Variants in ANHX observed in about 807,000 individuals in gnomAD.
ANHX encodes anomalous homeobox protein.
A neutral mutation model predicts 38.9 loss-of-function variants in ANHX; 20 were observed. The ratio of observed to expected loss-of-function variants is 0.51; its 90% CI spans 0.36 to 0.75. The LOEUF (loss-of-function observed/expected upper bound fraction) is 0.75. Ranked by LOEUF, ANHX falls within the 30% of genes least tolerant of loss-of-function variation. The pLI, the probability that ANHX is intolerant of heterozygous loss-of-function variation, is 0.00. For missense variants in ANHX, 475 were observed against 493.1 expected, an observed-to-expected ratio of 0.96 and a Z score of 0.35; for synonymous variants, 185 against 203.1, an observed-to-expected ratio of 0.91 and a Z score of 0.76.
At chr12:133,226,027 GGCAGGGCT>G (rs1957184206) in intron 6 of ANHX, among the ~76,000 whole-genome samples, 199 bp from the exon 7 acceptor site, 1 of 152,222 alleles carries the variant, frequency 6.6e-6, no homozygotes, top group South Asian at 2.1e-4. Context: ...GTCTTTAGGT[GGCAGGGCT>G]GCATGTGTTT....
At chr12:133,234,539 C>T (rs887654689) in intron 1 of ANHX, 161 bp from the exon 2 acceptor site, 2 of 740,796 alleles carry the variant, frequency 2.7e-6, no homozygotes, top group African/African-American at 3.5e-5. Context: ...GAGGGCAGCA[C>T]CATAGCATAC....
chr12:133,227,156 C>T lies in ANHX; in HGVS notation c.502-4G>A. 2 of 1,531,972 alleles carry T rather than the reference C, an allele frequency of 1.3e-6. No homozygotes were observed. The highest frequency in any genetic ancestry group is 1.7e-6 in the Non-Finnish European group (2 of 1,144,306). The allele number at this position is 1,531,972 out of a possible 1,614,324, so 94.9% of individuals were successfully genotyped here. ...TCGTCTCCAATGCCAAGTTCTCCTG[C>T]CCCCAAACAACAAGACTTCTAGCCC... On this transcript the variant is annotated splice_polypyrimidine_tract_variant and splice_region_variant and intron_variant, in intron 4 of 9. Coordinates refer to ENST00000545940, the MANE Select transcript of ANHX (RefSeq NM_001372060.1).
At chr12:133,224,924 G>T (rs554840009) in intron 7 of ANHX, among the ~76,000 whole-genome samples, 1 of 143,980 alleles carries the variant, frequency 6.9e-6, no homozygotes, top group East Asian at 2.0e-4. Flanking sequence ...CCGAGATCAC[G>T]CCACTGCACT....
At chr12:133,224,089 C>G (rs575164719) in intron 7 of ANHX, among the ~76,000 whole-genome samples, 28 of 152,168 alleles carry the variant, frequency 1.8e-4, no homozygotes, top group African/African-American at 6.7e-4. Context: ...AGAACCAGAC[C>G]TGAAATTCAG....
chr12:133,227,829 C>T lies in ANHX; in HGVS notation c.496G>A (p.Glu166Lys). ...VGVNTNPSKA[E>K]RENLALETSL... The stretch of plus-strand genomic sequence containing the variant: ...TGGGTATCTTCTATTCTTACCCTCT[C>T]AGCCTTGCTGGGGTTGGTGTTCACC... The change falls in exon 4 of 10, where the codon GAG becomes AAG. Residue 166 changes from glutamate (E) to lysine (K), a missense_variant. By Grantham distance (56) the Glu-to-Lys change is moderately conservative (BLOSUM62 1). Transcript: ENST00000545940. The T allele has an allele frequency of 6.5e-7, 1 of 1,535,584 alleles. No individual in the cohort carries two copies. The highest frequency in any genetic ancestry group is 8.7e-7 in the Non-Finnish European group (1 of 1,146,694).
intron 7 of ANHX, among the ~76,000 whole-genome samples, chr12:133,222,422 G>T (rs1731267060): frequency 6.6e-6 from 1 of 152,100 alleles, no homozygotes; most frequent in Non-Finnish European, 1.5e-5. Flanking sequence ...CAGCAGCAGG[G>T]AACCCGAAGG....
chr12:133,224,254 T>C (rs1957152770), intron 7 of ANHX, among the ~76,000 whole-genome samples: 1 of 151,004 alleles, frequency 6.6e-6, no homozygotes, highest in South Asian at 2.1e-4. Flanking sequence ...CTGGAAGATG[T>C]TAAAAATGTG....
intron 3 of ANHX, among the ~76,000 whole-genome samples, chr12:133,229,583 C>T (rs550024923): frequency 1.3e-4 from 20 of 152,274 alleles, no homozygotes; most frequent in African/African-American, 4.8e-4. Context: ...TGTCAGGGTA[C>T]TGACACAACA....
intron 8 of ANHX, 84 bp from the exon 9 acceptor site, chr12:133,219,451 C>A: frequency 1.2e-6 from 1 of 847,938 alleles, no homozygotes; most frequent in Non-Finnish European, 1.8e-6. Context: ...CTTTCTCCCT[C>A]ATCAGGAGAC....
At chr12:133,233,975 G>T in intron 2 of ANHX, 133 bp downstream of exon 2, 1 of 1,195,498 alleles carries the variant, frequency 8.4e-7, no homozygotes, top group Non-Finnish European at 1.1e-6. Flanking sequence ...GTTTTTCCAA[G>T]GCCTGGGGGT....
intron 5 of ANHX, 118 bp downstream of exon 5, chr12:133,226,818 C>G: frequency 9.8e-7 from 1 of 1,022,672 alleles, no homozygotes; most frequent in Non-Finnish European, 1.4e-6. Flanking sequence ...AGAGTGACAC[C>G]TGGAACCTAC....
chr12:133,227,886 C>T lies in ANHX; in HGVS notation c.439G>A (p.Val147Ile). 1 of 1,534,070 alleles carries T rather than the reference C, an allele frequency of 6.5e-7. No individual in the cohort carries two copies. Among genetic ancestry groups the T allele is most frequent in the Non-Finnish European group, 8.7e-7 (1 of 1,146,452 alleles). ...GLKSRNFPRE[V>I]REKLHNFAVG... ...GCGAAATTGTGCAGCTTCTCACGAA[C>T]CTCTCTGGGGAAGTTCCGGCTCTTC... The change falls in exon 4 of 10, where the codon GTT becomes ATT. Residue 147 changes from valine to isoleucine, a missense_variant. By Grantham distance (29) the Val-to-Ile change is conservative. Transcript: ENST00000545940.
rs1427235835 is a variant in ANHX, at chr12:133,219,371, G to C, written c.1281-4C>G. ...GGCTGGGGCCAGCTCTGGAGGGCTG[G>C]AAAAGAGACAGTGTAAGAATAGGCC... On this transcript the variant is annotated splice_region_variant and splice_polypyrimidine_tract_variant and intron_variant, in intron 8 of 9. Coordinates refer to ENST00000545940, the MANE Select transcript of ANHX (RefSeq NM_001372060.1). 1 of 1,523,002 alleles carries C rather than the reference G, an allele frequency of 6.6e-7. No individual in the cohort carries two copies. The highest frequency in any genetic ancestry group is 8.8e-7 in the Non-Finnish European group (1 of 1,140,398). 94.3% of individuals were successfully genotyped at this position (1,523,002 alleles called of 1,614,324 possible). A position where few individuals can be genotyped will look rare whatever the true frequency, so the allele number is the denominator to read the frequency against.
intron 7 of ANHX, among the ~76,000 whole-genome samples, chr12:133,224,773 G>C (rs1209046297): frequency 1.3e-5 from 2 of 151,028 alleles, no homozygotes; most frequent in Non-Finnish European, 2.9e-5. Flanking sequence ...AGACCATCCT[G>C]GCTAACAGGG....
intron 7 of ANHX, among the ~76,000 whole-genome samples, chr12:133,224,523 C>T (rs921788412): frequency 2.0e-5 from 3 of 151,526 alleles, no homozygotes; most frequent in African/African-American, 4.9e-5. Context: ...ATTAGCCGGG[C>T]GTGGTGGCAG....
chr12:133,221,408 T>A lies in ANHX; in HGVS notation c.1133-56A>T. On this transcript the variant is annotated intron_variant, in intron 7 of 9. Transcript: ENST00000545940. This position sits in a 1 kb window ranked among gnomAD's most constrained non-coding sequence, Gnocchi z 4.1. Reference sequence around the variant, plus strand: ...GCAGGAGAAAGGAGCAGAGCCCACGTGTGACACAACCAAGACCTCAAAGCA... The same window carrying A: ...GCAGGAGAAAGGAGCAGAGCCCACGAGTGACACAACCAAGACCTCAAAGCA... 2.0e-6 allele frequency: 3 copies of A among 1,494,700 alleles called. No homozygotes were observed. The highest frequency in any genetic ancestry group is 2.7e-6 in the Non-Finnish European group (3 of 1,124,306). 92.6% of individuals were successfully genotyped at this position (1,494,700 alleles called of 1,614,324 possible).
intron 7 of ANHX, among the ~76,000 whole-genome samples, chr12:133,225,310 TACATACACACAC>T (rs1482124490): frequency 2.5e-4 from 36 of 143,900 alleles, no homozygotes; most frequent in African/African-American, 8.9e-4. Flanking sequence ...GTGATATGCA[TACATACACACAC>T]ACACACACAC....
intron 1 of ANHX, chr12:133,235,078 C>T (rs1256684717): frequency 1.3e-5 from 2 of 151,970 alleles, no homozygotes; most frequent in African/African-American, 2.4e-5. Context: ...TTCTTTCTGC[C>T]GTGCGCCCGC....
At position 133,219,393 on chromosome 12, in the gene ANHX, G is replaced by T. The variant is rs1273923052; in HGVS notation, c.1281-26C>A. 3 of 1,463,802 alleles carry T rather than the reference G, an allele frequency of 2.0e-6. No homozygotes were observed. In the African/African-American group the frequency reaches 4.2e-5, roughly 21 times the overall value. 90.7% of individuals were successfully genotyped at this position (1,463,802 alleles called of 1,614,324 possible). The stretch of plus-strand genomic sequence containing the variant: ...CTGGAAAAGAGACAGTGTAAGAATA[G>T]GCCCTATCTCAAGGGGACACTGGGG... On this transcript the variant is annotated intron_variant, in intron 8 of 9. Coordinates refer to ENST00000545940, the MANE Select transcript of ANHX (RefSeq NM_001372060.1).
Sources: allele counts gnomAD v4.1 joint callset (sites outside exome capture counted in the v4.1 genomes callset), GRCh38; gene constraint gnomAD v4.1.1; non-coding constraint Gnocchi (gnomAD v3.1); transcripts MANE v1.5; gene names NCBI Gene and HGNC (gene_info 2026-07-23, HGNC 2026-07-21).